The following GRIP1 variants were observed in gnomAD, a reference collection of about 807,000 sequenced individuals.
GRIP1 encodes glutamate receptor-interacting protein 1.
In GRIP1, 45 loss-of-function variants were observed where a neutral mutation model predicts 129.9. That is an observed-to-expected ratio of 0.35 (90% confidence interval 0.27 to 0.44). The LOEUF (loss-of-function observed/expected upper bound fraction) is 0.44, where lower values mean the gene tolerates loss of function less well. Among genes scored for constraint, GRIP1 ranks in the 20% least tolerant of loss-of-function variants. GRIP1 has a pLI of 1.00. For synonymous variants in GRIP1, 530 were observed against 520.8 expected (o/e 1.02, Z -0.24); for missense variants, 1,196 against 1,396.8 (o/e 0.86, Z 2.29).
intron 16 of GRIP1, 136 bp from the exon 17 acceptor site, chr12:66,394,488 G>C: frequency 1.3e-6 from 1 of 780,446 alleles, no homozygotes; most frequent in Non-Finnish European, 2.1e-6. Context: ...ATTTTGGGAA[G>C]TAGCATTTCC....
intron 7 of GRIP1, among the ~76,000 whole-genome samples, chr12:66,512,262 TG>T (rs2060721096): frequency 1.3e-5 from 2 of 152,050 alleles, no homozygotes; most frequent in Non-Finnish European, 2.9e-5. Flanking sequence ...CTCGAAAATG[TG>T]GAAGTGACTT....
intron 1 of GRIP1, among the ~76,000 whole-genome samples, chr12:66,642,517 C>G (rs931236795): frequency 8.5e-5 from 13 of 152,050 alleles, no homozygotes; most frequent in African/African-American, 2.9e-4. Context: ...GGAGCCTTAT[C>G]CCCAGGATGA....
chr12:66,891,613 G>A (rs1454106703), intron 1 of GRIP1, among the ~76,000 whole-genome samples: 1 of 152,160 alleles, frequency 6.6e-6, no homozygotes, highest in Non-Finnish European at 1.5e-5. Flanking sequence ...TCTGTTTGGT[G>A]TTTCCCTCCA....
chr12:66,363,185 A>T (rs1168349), intron 23 of GRIP1, among the ~76,000 whole-genome samples: 1 of 62,348 alleles, frequency 1.6e-5, no homozygotes. Flanking sequence ...ATATGTATAT[A>T]TGTGTGTGTG....
chr12:66,868,821 T>G (rs756928211), intron 1 of GRIP1, among the ~76,000 whole-genome samples: 7 of 151,964 alleles, frequency 4.6e-5, no homozygotes, highest in Non-Finnish European at 8.8e-5. Flanking sequence ...CCAGGAGTGG[T>G]TGGAATACAC....
chr12:66,545,916 TA>T (rs765133776), intron 2 of GRIP1, among the ~76,000 whole-genome samples: 1 of 152,116 alleles, frequency 6.6e-6, no homozygotes, highest in Non-Finnish European at 1.5e-5. Flanking sequence ...TTGTGAAAAC[TA>T]AAAAATGCTG....
intron 1 of GRIP1, among the ~76,000 whole-genome samples, chr12:66,615,652 T>A (rs1466771058): frequency 6.6e-6 from 1 of 152,240 alleles, no homozygotes; most frequent in African/African-American, 2.4e-5. Context: ...ATTTTATTTT[T>A]AATTTTTGAA....
rs188469438 is a variant in GRIP1, at chr12:66,782,528, A to C, written c.-420+21525T>G. On this transcript the variant is annotated intron_variant, in intron 1 of 4. Transcript: ENST00000538373. Reference sequence around the variant, plus strand: ...AGAAACGGAGGGGGCTTTTTGTTTTAGTTTGAGTTTTTAAATGCTTCTGCT... The same window carrying C: ...AGAAACGGAGGGGGCTTTTTGTTTTCGTTTGAGTTTTTAAATGCTTCTGCT... 6.6e-5 allele frequency among the ~76,000 whole-genome samples: 10 copies of C among 152,286 alleles called. No homozygotes were observed. In the East Asian group the frequency reaches 1.9e-3, roughly 29 times the overall value.
chr12:66,445,098 T>A (rs947076543), intron 12 of GRIP1, among the ~76,000 whole-genome samples: 1 of 152,252 alleles, frequency 6.6e-6, no homozygotes, highest in South Asian at 2.1e-4. Flanking sequence ...TTAATTAATA[T>A]AGCTTCTAGT....
rs142129912 is a variant in GRIP1 at position 66,866,000 on chromosome 12, A to C, written c.58+203050T>G. 2.0e-3 allele frequency among the ~76,000 whole-genome samples: 310 copies of C among 152,280 alleles called. 1 individual carries two copies. The highest frequency in any genetic ancestry group is 6.9e-3 in the African/African-American group (288 of 41,558). ...CAGGGGTCTGTGTAAAGCAAGAAGA[A>C]GACAAATAACCAAAGCCTTACTTTT... On this transcript the variant is annotated intron_variant, in intron 1 of 1. Transcript: ENST00000643019.
Position 66,746,482 on chromosome 12 carries a change from A to G in GRIP1, c.-420+57571T>C, listed in dbSNP as rs145836075. Among the ~76,000 whole-genome samples, 909 of 152,254 alleles carry G rather than the reference A, an allele frequency of 6.0e-3. 10 individuals are homozygous for G. Among genetic ancestry groups the G allele is most frequent in the African/African-American group, 0.021 (868 of 41,534 alleles). ...TGAATCACATGCACATTGACGTTTGAGAGGCACCTTTTTATAGAATTGGGG... is the reference window on the plus strand; with the variant it reads ...TGAATCACATGCACATTGACGTTTGGGAGGCACCTTTTTATAGAATTGGGG... On this transcript the variant is annotated intron_variant, in intron 1 of 4. Coordinates refer to the GRIP1 transcript ENST00000538373.
At chr12:66,357,173 G>A (rs1282832261) in intron 23 of GRIP1, among the ~76,000 whole-genome samples, 4 of 152,106 alleles carry the variant, frequency 2.6e-5, no homozygotes, top group East Asian at 1.9e-4. Flanking sequence ...CACTGTGCCC[G>A]GCCTCAAAAA....
At chr12:66,552,130 G>A (rs1044774766) in intron 2 of GRIP1, among the ~76,000 whole-genome samples, 5 of 152,164 alleles carry the variant, frequency 3.3e-5, no homozygotes, top group African/African-American at 7.2e-5. Flanking sequence ...TTTAACATAA[G>A]GGGCCAAATG....
At chr12:66,732,674 AT>A (rs1565993602) in intron 1 of GRIP1, among the ~76,000 whole-genome samples, 1 of 152,152 alleles carries the variant, frequency 6.6e-6, no homozygotes, top group African/African-American at 2.4e-5. Flanking sequence ...AGCTTACTTT[AT>A]TACAAGAATA....
chr12:66,391,792 A>C (rs887393158), intron 19 of GRIP1, among the ~76,000 whole-genome samples: 1 of 152,160 alleles, frequency 6.6e-6, no homozygotes, highest in African/African-American at 2.4e-5. Context: ...TTGAGACTAT[A>C]ATGAACTATG....
chr12:67,061,873 A>C (rs970751430), intron 1 of GRIP1, among the ~76,000 whole-genome samples: 2 of 152,154 alleles, frequency 1.3e-5, no homozygotes, highest in East Asian at 1.9e-4. Flanking sequence ...GTGAGGCAAT[A>C]AAAAAGGCAA....
chr12:66,952,299 G>A (rs1301200770), intron 1 of GRIP1, among the ~76,000 whole-genome samples: 1 of 152,144 alleles, frequency 6.6e-6, no homozygotes, highest in African/African-American at 2.4e-5. Context: ...ATGCTGGTGA[G>A]AGACTAAACA....
chr12:66,355,114 C>T (rs377391319), intron 23 of GRIP1, among the ~76,000 whole-genome samples: 3 of 152,138 alleles, frequency 2.0e-5, no homozygotes, highest in African/African-American at 2.4e-5. Context: ...CCTCAGGAGC[C>T]GGTGAAAATG....
intron 1 of GRIP1, among the ~76,000 whole-genome samples, chr12:66,665,703 G>A (rs1042103444): frequency 1.3e-5 from 2 of 152,092 alleles, no homozygotes; most frequent in Non-Finnish European, 2.9e-5. Context: ...TTCCAGTTTT[G>A]TGCTATTACA....
Sources: allele counts gnomAD v4.1 joint callset (sites outside exome capture counted in the v4.1 genomes callset), GRCh38; gene constraint gnomAD v4.1.1; transcripts MANE v1.5; gene names NCBI Gene and HGNC (gene_info 2026-07-23, HGNC 2026-07-21).